The following NEGR1 variants were observed in gnomAD, a reference collection of about 807,000 sequenced individuals.
The protein encoded by NEGR1 is neuronal growth regulator 1, also known as IgLON family member 4.
A neutral mutation model predicts 40.9 loss-of-function variants in NEGR1; 10 were observed. That is an observed-to-expected ratio of 0.24 (90% CI 0.15 to 0.42). The LOEUF is 0.42. NEGR1 is among the 10% of genes least tolerant of loss of function. The pLI is 1.00. For missense variants in NEGR1, 352 were observed against 438.9 expected (o/e 0.80, Z 1.77); for synonymous variants, 185 against 166.8 (o/e 1.11, Z -0.84).
chr1:71,415,959 G>A (rs1415654287), intron 6 of NEGR1, among the ~76,000 whole-genome samples: 1 of 151,972 alleles, frequency 6.6e-6, no homozygotes, highest in African/African-American at 2.4e-5. Context: ...TGGCTTTGTC[G>A]TGTGAAATAC....
chr1:71,882,923 T>G (rs1240697097), intron 2 of NEGR1, among the ~76,000 whole-genome samples: 1 of 152,086 alleles, frequency 6.6e-6, no homozygotes, highest in Non-Finnish European at 1.5e-5. Context: ...GTTGTACAGA[T>G]GGGAGAAAAT....
intron 1 of NEGR1, among the ~76,000 whole-genome samples, chr1:72,211,357 A>G (rs1201503247): frequency 6.6e-6 from 1 of 151,778 alleles, no homozygotes; most frequent in Non-Finnish European, 1.5e-5. Flanking sequence ...TTTTTCTAAG[A>G]CCCATCTGCA....
intron 2 of NEGR1, among the ~76,000 whole-genome samples, chr1:71,904,962 C>T (rs1260136604): frequency 2.6e-5 from 4 of 152,070 alleles, no homozygotes; most frequent in Admixed American, 2.0e-4. Flanking sequence ...CCAATTCAAA[C>T]GTAATACTGC....
intron 1 of NEGR1, among the ~76,000 whole-genome samples, chr1:72,091,371 C>T (rs960986138): frequency 4.8e-5 from 7 of 144,434 alleles, no homozygotes. Flanking sequence ...TCCCTCCCTC[C>T]CTCCGTTCCT....
At chr1:71,512,995 A>T (rs920862698) in intron 6 of NEGR1, among the ~76,000 whole-genome samples, 8 of 152,218 alleles carry the variant, frequency 5.3e-5, no homozygotes, top group Admixed American at 5.2e-4. Context: ...TATACATATA[A>T]CATCGACAAA....
intron 2 of NEGR1, among the ~76,000 whole-genome samples, chr1:71,806,287 T>C (rs1657768351): frequency 1.3e-5 from 2 of 152,036 alleles, no homozygotes; most frequent in South Asian, 4.1e-4. Flanking sequence ...TTAAGCACCA[T>C]GTGAATTTTT....
chr1:71,778,033 C>T (rs1656571224), intron 2 of NEGR1, among the ~76,000 whole-genome samples: 1 of 151,716 alleles, frequency 6.6e-6, no homozygotes, highest in African/African-American at 2.4e-5. Context: ...AAGGAAAGTA[C>T]AAAAAACTTT....
At chr1:72,218,378 AAAGT>A (rs997986004) in intron 1 of NEGR1, among the ~76,000 whole-genome samples, 1 of 151,998 alleles carries the variant, frequency 6.6e-6, no homozygotes, top group Non-Finnish European at 1.5e-5. Flanking sequence ...GTAAGAAAAA[AAAGT>A]AAGATTCTCA....
chr1:71,576,261 T>G (rs749186169), intron 6 of NEGR1, among the ~76,000 whole-genome samples: 18 of 152,230 alleles, frequency 1.2e-4, no homozygotes, highest in South Asian at 2.1e-4. Context: ...TTGGGTTTTT[T>G]TTGTTGTTGT....
chr1:72,261,869 AG>A (rs766173526), intron 1 of NEGR1, among the ~76,000 whole-genome samples: 3 of 152,046 alleles, frequency 2.0e-5, no homozygotes, highest in South Asian at 4.1e-4. Flanking sequence ...AAAAGGTGTA[AG>A]GGTAGGACCA....
At chr1:71,583,271 A>T (rs989085778) in intron 6 of NEGR1, among the ~76,000 whole-genome samples, 2 of 152,238 alleles carry the variant, frequency 1.3e-5, no homozygotes, top group Non-Finnish European at 2.9e-5. Flanking sequence ...AAGGAAACGA[A>T]AATAATAAAT....
At chr1:72,057,577 C>A (rs555011140) in intron 1 of NEGR1, among the ~76,000 whole-genome samples, 2 of 151,468 alleles carry the variant, frequency 1.3e-5, no homozygotes, top group Non-Finnish European at 3.0e-5. Flanking sequence ...CATGAGACAT[C>A]TTTCTCAGTT....
intron 4 of NEGR1, among the ~76,000 whole-genome samples, chr1:71,686,371 G>A (rs769038182): frequency 6.6e-6 from 1 of 152,116 alleles, no homozygotes; most frequent in Non-Finnish European, 1.5e-5. Flanking sequence ...GGAGTGAAAG[G>A]GGGTAGGGGT....
At chr1:71,479,000 A>T (rs553517984) in intron 6 of NEGR1, among the ~76,000 whole-genome samples, 1 of 152,196 alleles carries the variant, frequency 6.6e-6, no homozygotes, top group East Asian at 1.9e-4. Flanking sequence ...TTAAGATTTC[A>T]TCTGACACTT....
Position 72,282,120 on chromosome 1 carries a change from G to C in NEGR1, c.176+199C>G, listed in dbSNP as rs149407654. ...TTCCGGCAAAGTGCTTTAGCATCACGAGTCCAGCTTGCTACCTGCCCCAGC... is the reference window on the plus strand; with the variant it reads ...TTCCGGCAAAGTGCTTTAGCATCACCAGTCCAGCTTGCTACCTGCCCCAGC... On this transcript the variant is annotated intron_variant, in intron 1 of 6. Coordinates refer to ENST00000357731, the MANE Select transcript of NEGR1 (RefSeq NM_173808.3). Among the ~76,000 whole-genome samples, 521 of 152,190 alleles carry C rather than the reference G, an allele frequency of 3.4e-3. 2 individuals carry two copies. The highest frequency in any genetic ancestry group is 0.01 in the Middle Eastern group (3 of 294).
chr1:71,868,478 ACATACATAC>A (rs1660184963), intron 2 of NEGR1, among the ~76,000 whole-genome samples: 2 of 80,098 alleles, frequency 2.5e-5, no homozygotes, highest in African/African-American at 9.0e-5. Context: ...CAGAATACAT[ACATACATAC>A]ATACATACAT....
intron 4 of NEGR1, among the ~76,000 whole-genome samples, chr1:71,684,169 C>T (rs1464150112): frequency 6.6e-6 from 1 of 151,954 alleles, no homozygotes; most frequent in Admixed American, 6.6e-5. Flanking sequence ...ACTGGGGAGG[C>T]TGAGGTAGGA....
At chr1:72,066,651 A>T (rs1278241860) in intron 1 of NEGR1, among the ~76,000 whole-genome samples, 1 of 152,130 alleles carries the variant, frequency 6.6e-6, no homozygotes, top group Non-Finnish European at 1.5e-5. Flanking sequence ...ACATGCACAG[A>T]GAAAAGGCCC....
At chr1:72,189,743 A>T (rs1410502282) in intron 1 of NEGR1, among the ~76,000 whole-genome samples, 1 of 151,604 alleles carries the variant, frequency 6.6e-6, no homozygotes, top group Non-Finnish European at 1.5e-5. Flanking sequence ...ATTTCTTTCT[A>T]CAAAGCAAGT....
Sources: gnomAD v4.1 joint callset for allele counts (sites outside exome capture counted in the v4.1 genomes callset) on GRCh38, gnomAD v4.1.1 for gene constraint, MANE v1.5 for transcripts, NCBI Gene and HGNC (gene_info 2026-07-23, HGNC 2026-07-21) for gene names.